CDH3: variants seen among roughly 807,000 people sequenced by gnomAD.
CDH3 encodes the protein cadherin-3.
In CDH3, 54 loss-of-function variants were observed where a neutral mutation model predicts 82.0. The observed-to-expected ratio is 0.66, with a 90% confidence interval of 0.53 to 0.83. CDH3 has a LOEUF of 0.83. Ranked by LOEUF, CDH3 falls within the 40% of genes least tolerant of loss-of-function variation. The probability of loss-of-function intolerance (pLI) is 0.00; values close to 1 mark genes in which losing one functional copy is unlikely to be tolerated. For synonymous variants in CDH3, 446 were observed against 437.9 expected, an observed-to-expected ratio of 1.02 and a Z score of -0.23; for missense variants, 1,054 against 1,084.6, an observed-to-expected ratio of 0.97 and a Z score of 0.40.
chr16:68,715,420 C>G (rs1962082447), intron 1 of CDH3, among the ~76,000 whole-genome samples: 1 of 88,108 alleles, frequency 1.1e-5, no homozygotes, highest in Admixed American at 1.2e-4. Context: ...GAGCACGACT[C>G]TCAAAAAAAA....
chr16:68,645,431 C>T lies in CDH3; in HGVS notation c.45+7C>T. 6.2e-7 allele frequency: 1 copy of T among 1,613,072 alleles called. No homozygotes were observed. The highest frequency in any genetic ancestry group is 8.5e-7 in the Non-Finnish European group (1 of 1,179,638). ...GTCTCTCCTCCTTCTCCAGGTACTCCACAGCCTCGCCGTGGCCCCGACCGG... is the reference window on the plus strand; with the variant it reads ...GTCTCTCCTCCTTCTCCAGGTACTCTACAGCCTCGCCGTGGCCCCGACCGG... On this transcript the variant is annotated splice_region_variant and intron_variant, in intron 1 of 15. Coordinates refer to ENST00000264012, the MANE Select transcript of CDH3 (RefSeq NM_001793.6).
chr16:68,680,073 G>A (rs1961172294), intron 7 of CDH3, 99 bp downstream of exon 7: 2 of 1,212,848 alleles, frequency 1.6e-6, no homozygotes, highest in Admixed American at 1.7e-5. Flanking sequence ...CAAAGCCCAA[G>A]GCAGAACAGT....
downstream of CDH3, among the ~76,000 whole-genome samples, chr16:68,731,517 C>T (rs201245816): frequency 6.2e-5 from 3 of 48,522 alleles, no homozygotes. Flanking sequence ...CACACATATA[C>T]ACACACACAC....
chr16:68,649,110 T>C lies in CDH3; in HGVS notation c.160+3360T>C, dbSNP rs1960166567. ...TGGGAGGAGGGAACTTTCATGGTAT[T>C]AGTGCAGTGATTAAGTGAGTGACCT... is the stretch of plus-strand genomic sequence containing the variant. On this transcript the variant is annotated intron_variant, in intron 2 of 15. Transcript: ENST00000264012. 3.9e-5 allele frequency among the ~76,000 whole-genome samples: 6 copies of C among 152,064 alleles called. No homozygotes were observed. In the South Asian group the frequency reaches 1.2e-3, roughly 32 times the overall value.
intron 15 of CDH3, 121 bp downstream of exon 15, chr16:68,696,044 C>G (rs1231015526): frequency 1.9e-6 from 2 of 1,036,148 alleles, no homozygotes; most frequent in Non-Finnish European, 2.9e-6. Flanking sequence ...CCACCACCAA[C>G]CAGCTTTTGA....
At chr16:68,682,976 G>A (rs918983736) in intron 9 of CDH3, among the ~76,000 whole-genome samples, 3 of 152,112 alleles carry the variant, frequency 2.0e-5, no homozygotes, top group Admixed American at 6.5e-5. Flanking sequence ...AAGGCTGGGC[G>A]CAGTGGCTCA....
chr16:68,708,055 C>T (rs957852944), intron 1 of CDH3, among the ~76,000 whole-genome samples: 9 of 151,926 alleles, frequency 5.9e-5, no homozygotes, highest in African/African-American at 1.9e-4. Flanking sequence ...AGACTGGGCG[C>T]AGTGACTCAA....
chr16:68,684,899 T>C, intron 10 of CDH3, 75 bp downstream of exon 10: 2 of 1,557,084 alleles, frequency 1.3e-6, no homozygotes, highest in East Asian at 2.2e-5. Flanking sequence ...CCAACGTTTG[T>C]TCTGATTACC....
At position 68,698,572 on chromosome 16, in the gene CDH3, G is replaced by T; in HGVS notation, c.*172G>T. 3.2e-6 allele frequency: 2 copies of T among 627,188 alleles called. No individual in the cohort carries two copies. Among genetic ancestry groups the T allele is most frequent in the Non-Finnish European group, 5.6e-6 (2 of 355,642 alleles). 38.9% of individuals were successfully genotyped at this position (627,188 alleles called of 1,614,324 possible). On this transcript the variant is annotated 3_prime_UTR_variant, in exon 16 of 16. Transcript: ENST00000264012. ...GAGTGGTGGCTTCCTTAGCCTTTCA[G>T]GATGGAGGAATGTGGGCAGTTTGAC...
intron 2 of CDH3, among the ~76,000 whole-genome samples, chr16:68,723,257 C>T (rs1434706797): frequency 6.6e-6 from 1 of 152,008 alleles, no homozygotes; most frequent in Non-Finnish European, 1.5e-5. Context: ...TCAAGCAATT[C>T]CCAATTTTTA....
At chr16:68,669,767 T>G (rs1183658430) in intron 2 of CDH3, among the ~76,000 whole-genome samples, 1 of 152,036 alleles carries the variant, frequency 6.6e-6, no homozygotes, top group Non-Finnish European at 1.5e-5. Context: ...TTGACAGAAT[T>G]GTCTGGTTAG....
intron 8 of CDH3, among the ~76,000 whole-genome samples, chr16:68,681,834 T>TA (rs375284282): frequency 2.0e-5 from 3 of 151,126 alleles, no homozygotes. Context: ...TGAGACTGTC[T>TA]AAAAAAATAA....
chr16:68,697,765 C>G (rs1297937358), intron 15 of CDH3, among the ~76,000 whole-genome samples: 1 of 152,184 alleles, frequency 6.6e-6, no homozygotes, highest in Admixed American at 6.6e-5. Flanking sequence ...TACTCATTTA[C>G]TCATTCATCT....
chr16:68,697,379 G>T (rs1961760457), intron 15 of CDH3, among the ~76,000 whole-genome samples: 1 of 152,046 alleles, frequency 6.6e-6, no homozygotes, highest in African/African-American at 2.4e-5. Flanking sequence ...TATAGCAGTT[G>T]AATACTCTGG....
At position 68,687,557 on chromosome 16, in the gene CDH3, T is replaced by C; in HGVS notation, c.1616T>C (p.Ile539Thr). ...TGTGTLLLTLIDVNDHGPVPE... is the reference protein window; with the variant it reads ...TGTGTLLLTLTDVNDHGPVPE... ...ACGGGAACCCTTCTGCTAACACTGA[T>C]TGATGTCAATGACCATGGCCCAGTC... is the stretch of plus-strand genomic sequence containing the variant. Residue 539 changes from isoleucine to threonine, a missense_variant, in exon 12 of 16, where the codon ATT (isoleucine) becomes ACT (threonine). By Grantham distance (89) the Ile-to-Thr change is moderately conservative. Coordinates refer to ENST00000264012, the MANE Select transcript of CDH3 (RefSeq NM_001793.6). 1 of 1,614,102 alleles carries C rather than the reference T, an allele frequency of 6.2e-7. No homozygotes were observed. Among genetic ancestry groups the C allele is most frequent in the Non-Finnish European group, 8.5e-7 (1 of 1,180,010 alleles).
chr16:68,676,377 C>A lies in CDH3; in HGVS notation c.161-8C>A, dbSNP rs144998887. The A allele has an allele frequency of 5.6e-6, 9 of 1,606,250 alleles. No homozygotes were observed. Among genetic ancestry groups the A allele is most frequent in the Middle Eastern group, 1.7e-4 (1 of 6,046 alleles). Reference sequence around the variant, plus strand: ...CTTCCTAATGCTCTCTCTTCCCCTTCCCCACAGTATTCATGGGCTGCCCTG... The same window carrying A: ...CTTCCTAATGCTCTCTCTTCCCCTTACCCACAGTATTCATGGGCTGCCCTG... On this transcript the variant is annotated splice_polypyrimidine_tract_variant and splice_region_variant and intron_variant, in intron 2 of 15. Transcript: ENST00000264012.
At chr16:68,719,530 G>T in intron 1 of CDH3, among the ~76,000 whole-genome samples, 1 of 117,874 alleles carries the variant, frequency 8.5e-6, no homozygotes, top group East Asian at 2.6e-4. Context: ...TTTTTTGAGA[G>T]GGAGTCTCGC....
At chr16:68,731,043 AAAAAATAT>A (rs1962278759), downstream of CDH3, among the ~76,000 whole-genome samples, 2 of 20,384 alleles carry the variant, frequency 9.8e-5, no homozygotes, top group Non-Finnish European at 2.4e-4. Context: ...AAAAAAAAAA[AAAAAATAT>A]ATATATATAT....
chr16:68,657,284 C>T (rs1014431077), intron 2 of CDH3, among the ~76,000 whole-genome samples: 3 of 152,068 alleles, frequency 2.0e-5, no homozygotes, highest in African/African-American at 2.4e-5. Flanking sequence ...GAGGCCTAGG[C>T]GGGTGGATCA....
Sources: allele counts gnomAD v4.1 joint callset (sites outside exome capture counted in the v4.1 genomes callset), GRCh38; gene constraint gnomAD v4.1.1; transcripts MANE v1.5; gene names NCBI Gene and HGNC (gene_info 2026-07-23, HGNC 2026-07-21).